CD2AP: variants seen among roughly 807,000 people sequenced by gnomAD.
CD2AP encodes the protein CD2 associated protein.
A neutral mutation model predicts 85.1 loss-of-function variants in CD2AP; 46 were observed. The ratio of observed to expected loss-of-function variants is 0.54; its 90% CI spans 0.43 to 0.69. CD2AP has a LOEUF of 0.69. CD2AP is among the 30% of genes least tolerant of loss of function. CD2AP has a pLI of 0.00. For synonymous variants in CD2AP, 255 were observed against 252.9 expected (o/e 1.01, Z -0.08); for missense variants, 769 against 729.5 (o/e 1.05, Z -0.62).
intron 11 of CD2AP, among the ~76,000 whole-genome samples, chr6:47,587,396 A>G (rs1200871290): frequency 6.6e-6 from 1 of 150,964 alleles, no homozygotes; most frequent in East Asian, 2.0e-4. Context: ...ATTTCATGGG[A>G]TATTTTCTCA....
chr6:47,609,097 C>T, intron 15 of CD2AP, 26 bp from the exon 16 acceptor site: 1 of 1,541,936 alleles, frequency 6.5e-7, no homozygotes, highest in Non-Finnish European at 8.8e-7. Context: ...TAAATAAAAT[C>T]AGAAATTTTT....
intron 11 of CD2AP, among the ~76,000 whole-genome samples, chr6:47,585,596 A>G (rs1020987222): frequency 6.6e-6 from 1 of 152,170 alleles, no homozygotes; most frequent in African/African-American, 2.4e-5. Flanking sequence ...ATGCAGAGAT[A>G]GGTATTTAGG....
chr6:47,508,462 C>G (rs1766232545), intron 2 of CD2AP, among the ~76,000 whole-genome samples: 1 of 151,282 alleles, frequency 6.6e-6, no homozygotes, highest in South Asian at 2.1e-4. Flanking sequence ...GGGCCTTGCT[C>G]TAGATGAGGC....
chr6:47,479,853 G>T (rs948737218), intron 1 of CD2AP, among the ~76,000 whole-genome samples: 1 of 151,092 alleles, frequency 6.6e-6, no homozygotes, highest in African/African-American at 2.4e-5. Flanking sequence ...GGATGTGCTT[G>T]TAACTGATTA....
intron 2 of CD2AP, among the ~76,000 whole-genome samples, chr6:47,525,043 C>T (rs984111715): frequency 6.6e-6 from 1 of 151,402 alleles, no homozygotes; most frequent in Admixed American, 6.6e-5. Context: ...GTAGTTTTTC[C>T]TGGATATTCC....
intron 5 of CD2AP, among the ~76,000 whole-genome samples, chr6:47,569,740 C>G (rs552555811): frequency 1.3e-5 from 2 of 152,126 alleles, no homozygotes; most frequent in East Asian, 1.9e-4. Flanking sequence ...GGTTGTATAC[C>G]TCGTGTGCCA....
chr6:47,506,356 G>A (rs200965914), intron 2 of CD2AP, among the ~76,000 whole-genome samples: 19,957 of 36,468 alleles, frequency 0.55, 7,546 homozygotes, highest in East Asian at 0.79. Context: ...CATCCCAGAC[G>A]ATGGGCGGCC....
intron 2 of CD2AP, among the ~76,000 whole-genome samples, chr6:47,528,008 A>G (rs1439337007): frequency 3.3e-5 from 5 of 152,162 alleles, no homozygotes; most frequent in Non-Finnish European, 7.4e-5. Flanking sequence ...AACATGTTTT[A>G]TATATGTGGT....
chr6:47,519,500 A>C (rs2114004187), intron 2 of CD2AP, among the ~76,000 whole-genome samples: 1 of 152,260 alleles, frequency 6.6e-6, no homozygotes, highest in East Asian at 1.9e-4. Flanking sequence ...TGCCCTTGCC[A>C]CTATATCCAC....
chr6:47,480,942 C>A (rs1251720976), intron 1 of CD2AP, among the ~76,000 whole-genome samples: 1 of 152,148 alleles, frequency 6.6e-6, no homozygotes, highest in Non-Finnish European at 1.5e-5. Flanking sequence ...TTAGGAAAAA[C>A]TCTTAAGTGG....
At chr6:47,525,731 T>C (rs1429599332) in intron 2 of CD2AP, among the ~76,000 whole-genome samples, 1 of 152,194 alleles carries the variant, frequency 6.6e-6, no homozygotes, top group African/African-American at 2.4e-5. Context: ...CATTTGCATA[T>C]GTATTTCAGT....
chr6:47,603,810 T>A (rs1296063135), intron 13 of CD2AP, among the ~76,000 whole-genome samples: 1 of 152,068 alleles, frequency 6.6e-6, no homozygotes, highest in African/African-American at 2.4e-5. Context: ...TGTCAGGAAA[T>A]TATTCTACCC....
chr6:47,515,948 A>G (rs1259620786), intron 2 of CD2AP, among the ~76,000 whole-genome samples: 1 of 152,234 alleles, frequency 6.6e-6, no homozygotes, highest in Non-Finnish European at 1.5e-5. Context: ...TGTGGGAAAA[A>G]AAGTAAAAAT....
chr6:47,572,568 T>A (rs917905544), intron 5 of CD2AP, among the ~76,000 whole-genome samples: 14 of 152,206 alleles, frequency 9.2e-5, no homozygotes, highest in Admixed American at 2.0e-4. Context: ...ACCTGTAAAA[T>A]GGTCATTTCG....
chr6:47,478,724 C>CTT (rs931542976), intron 1 of CD2AP, among the ~76,000 whole-genome samples: 1 of 148,580 alleles, frequency 6.7e-6, no homozygotes, highest in African/African-American at 2.5e-5. Context: ...TGTTCAAAAA[C>CTT]TTTTTTTTTT....
At chr6:47,488,589 A>G (rs907217558) in intron 1 of CD2AP, among the ~76,000 whole-genome samples, 2 of 152,158 alleles carry the variant, frequency 1.3e-5, no homozygotes, top group Non-Finnish European at 2.9e-5. Context: ...ACATTTATAT[A>G]ACATTTCAGT....
chr6:47,497,354 T>C (rs1169657968), intron 1 of CD2AP, among the ~76,000 whole-genome samples: 3 of 79,264 alleles, frequency 3.8e-5, no homozygotes, highest in Non-Finnish European at 8.3e-5. Flanking sequence ...TCCCTCCCCT[T>C]CCCCTTCCCC....
chr6:47,617,540 C>T lies in CD2AP; in HGVS notation c.1878+5004C>T, dbSNP rs190606023. 2.6e-5 allele frequency among the ~76,000 whole-genome samples: 4 copies of T among 152,248 alleles called. No individual in the cohort carries two copies. In the East Asian group the frequency reaches 7.7e-4, roughly 29 times the overall value. On this transcript the variant is annotated intron_variant, in intron 17 of 17. Transcript: ENST00000359314. ...TTCCTGTTCTTTTGATTTCCTGTTGCTGTTGATAATTTCTGTTGCCCATAT... is the reference window on the plus strand; with the variant it reads ...TTCCTGTTCTTTTGATTTCCTGTTGTTGTTGATAATTTCTGTTGCCCATAT...
At chr6:47,568,245 T>G (rs973975694) in intron 5 of CD2AP, among the ~76,000 whole-genome samples, 3 of 152,242 alleles carry the variant, frequency 2.0e-5, no homozygotes, top group Non-Finnish European at 4.4e-5. Flanking sequence ...GGTAGGTTAA[T>G]TATTTTTGGA....
Sources: gnomAD v4.1 joint callset for allele counts (sites outside exome capture counted in the v4.1 genomes callset) on GRCh38, gnomAD v4.1.1 for gene constraint, MANE v1.5 for transcripts, NCBI Gene and HGNC (gene_info 2026-07-23, HGNC 2026-07-21) for gene names.